The following MUC17 variants were observed in gnomAD, a reference collection of about 807,000 sequenced individuals.
The protein encoded by MUC17 is mucin-17.
In MUC17, 190 loss-of-function variants were observed where a neutral mutation model predicts 170.3. The observed-to-expected ratio is 1.12, with a 90% confidence interval of 0.99 to 1.26. The LOEUF is 1.26. Ranked by LOEUF, MUC17 falls within the 50% of genes most tolerant of loss-of-function variation. MUC17 has a pLI of 0.00. For synonymous variants in MUC17, 2,325 were observed against 2,002.5 expected (o/e 1.16, Z -4.30); for missense variants, 6,415 against 5,530.0 (o/e 1.16, Z -5.08).
Position 101,032,015 on chromosome 7 carries a change from C to T in MUC17, c.599C>T (p.Thr200Ile), listed in dbSNP as rs746923995. The T allele has an allele frequency of 1.3e-5, 21 of 1,614,132 alleles. No homozygotes were observed. The highest frequency in any genetic ancestry group is 1.8e-5 in the Non-Finnish European group (21 of 1,180,058). The part of the protein sequence containing the change: ...TSTQASSSPT[T>I]PESTTIPKST... ...ACTCAGGCAAGTTCATCTCCTACTA[C>T]TCCTGAAAGCACCACCATACCCAAA... Residue 200 changes from threonine (T) to isoleucine (I), a missense_variant, in exon 3 of 13, where the codon ACT becomes ATT. Physicochemically the swap from Thr to Ile is moderately conservative, Grantham distance 89. Transcript: ENST00000306151.
rs1293903388 is a variant in MUC17, at chr7:101,058,089, C to T, written c.*45C>T. On this transcript the variant is annotated 3_prime_UTR_variant, in exon 13 of 13. Transcript: ENST00000306151. ...TGGGAGTGAGGAGATCCCAGTCCGG[C>T]TAAGCTTGGTGGAGCATTTTCCCAT... is the stretch of plus-strand genomic sequence containing the variant. The T allele has an allele frequency of 1.3e-6, 2 of 1,585,834 alleles. No individual in the cohort carries two copies. The highest frequency in any genetic ancestry group is 1.7e-4 in the Middle Eastern group (1 of 6,000).
intron 1 of MUC17, among the ~76,000 whole-genome samples, chr7:101,025,089 C>A (rs577992745): frequency 2.6e-5 from 4 of 152,096 alleles, no homozygotes; most frequent in African/African-American, 9.6e-5. Flanking sequence ...GAGGACCAGG[C>A]ATGGGTGGTT....
intron 1 of MUC17, among the ~76,000 whole-genome samples, chr7:101,021,594 C>A (rs62483734): frequency 1.3e-5 from 2 of 152,062 alleles, no homozygotes; most frequent in Non-Finnish European, 2.9e-5. Context: ...TCCTTGGCCC[C>A]TTCCTGGCCT....
rs769064023 is a variant in MUC17 at position 101,035,021 on chromosome 7, C to T, written c.3605C>T (p.Pro1202Leu). 17 of 1,614,044 alleles carry T rather than the reference C, an allele frequency of 1.1e-5. No homozygotes were observed. The East Asian group carries it at 1.6e-4, about 15-fold the overall frequency. The change falls in exon 3 of 13, where the codon CCA (proline) becomes CTA (leucine). Residue 1202 changes from proline to leucine, a missense_variant. Physicochemically the swap from Pro to Leu is moderately conservative, Grantham distance 98 (BLOSUM62 -3). Transcript: ENST00000306151. ...TCTACTGAAGCCAGTTCACCTCCTC[C>T]AACTGCTGAAGTTACCAGCATGCCA... ...ATSTEASSPP[P>L]TAEVTSMPTS...
rs116960680 is a variant in MUC17, at chr7:101,035,654, C to A, written c.4238C>A (p.Ala1413Asp). Reference sequence around the variant, plus strand: ...ACCACGCCGGTAGTCAGTTCTGAGGCTAGCACCCTTTCAGCAACTCCTGTT... The same window carrying A: ...ACCACGCCGGTAGTCAGTTCTGAGGATAGCACCCTTTCAGCAACTCCTGTT... The part of the protein sequence containing the change: ...VSTTPVVSSE[A>D]STLSATPVDT... The change falls in exon 3 of 13, where the codon GCT (alanine) becomes GAT (aspartate). Residue 1413 changes from alanine (A) to aspartate (D), a missense_variant. Physicochemically the swap from Ala to Asp is moderately radical, Grantham distance 126 (BLOSUM62 -2). Transcript: ENST00000306151. The A allele has an allele frequency of 2.5e-6, 4 of 1,609,786 alleles. No individual in the cohort carries two copies. The South Asian group carries it at 3.3e-5, about 13-fold the overall frequency.
Position 101,035,280 on chromosome 7 carries a change from G to A in MUC17, c.3864G>A (p.Thr1288=), listed in dbSNP as rs766413428. The part of the protein sequence containing the change: ...TLLTSIPVST[T]LVTSPEASTL... ...TAACAAGTATACCTGTCAGCACCACGCTGGTGACCAGTCCTGAGGCTAGCA... is the reference window on the plus strand; with the variant it reads ...TAACAAGTATACCTGTCAGCACCACACTGGTGACCAGTCCTGAGGCTAGCA... The change falls in exon 3 of 13, where the codon ACG becomes ACA. Residue 1288 remains threonine, a synonymous_variant. Coordinates refer to ENST00000306151, the MANE Select transcript of MUC17 (RefSeq NM_001040105.2). 37 of 1,609,024 alleles carry A rather than the reference G, an allele frequency of 2.3e-5. No individual in the cohort carries two copies. Among genetic ancestry groups the A allele is most frequent in the Admixed American group, 3.3e-5 (2 of 59,794 alleles).
intron 1 of MUC17, among the ~76,000 whole-genome samples, chr7:101,030,166 T>C (rs781689157): frequency 1.3e-5 from 2 of 152,082 alleles, no homozygotes; most frequent in Non-Finnish European, 2.9e-5. Flanking sequence ...AATGTTCTAA[T>C]GGAAAATCAC....
chr7:101,044,794 C>CT (rs1317655926), intron 3 of MUC17, among the ~76,000 whole-genome samples: 2 of 151,550 alleles, frequency 1.3e-5, no homozygotes, highest in Admixed American at 6.6e-5. Flanking sequence ...AAAGTACGAA[C>CT]TTTTTTTTTG....
intron 1 of MUC17, among the ~76,000 whole-genome samples, chr7:101,025,759 G>A (rs1042444167): frequency 2.1e-5 from 3 of 146,228 alleles, no homozygotes; most frequent in African/African-American, 2.5e-5. Flanking sequence ...ATGCCACTGC[G>A]CTCCAGCCTG....
At chr7:101,030,695 G>A (rs373879115) in intron 1 of MUC17, among the ~76,000 whole-genome samples, 1 of 151,012 alleles carries the variant, frequency 6.6e-6, no homozygotes, top group East Asian at 2.0e-4. Context: ...CAGCCTCCTG[G>A]GTAGCTGGGA....
intron 4 of MUC17, chr7:101,048,331 C>T (rs879470134): frequency 2.0e-5 from 7 of 354,752 alleles, no homozygotes; most frequent in African/African-American, 4.2e-5. Flanking sequence ...CGGTGGCTCT[C>T]GCCTGTAATT....
chr7:101,039,895 G>C lies in MUC17; in HGVS notation c.8479G>C (p.Ala2827Pro). 4 of 1,612,886 alleles carry C rather than the reference G, an allele frequency of 2.5e-6. No homozygotes were observed. Among genetic ancestry groups the C allele is most frequent in the Non-Finnish European group, 3.4e-6 (4 of 1,179,688 alleles). Residue 2827 changes from alanine to proline, a missense_variant, in exon 3 of 13, where the codon GCT becomes CCT. By Grantham distance (27) the Ala-to-Pro change is conservative. Transcript: ENST00000306151. ...CCACACGCCAGTGGCCAGTTCTGAG[G>C]CTGGCACCCTTTCAACAACTCCTGT... ...VNHTPVASSE[A>P]GTLSTTPVDT...
At position 101,036,206 on chromosome 7, in the gene MUC17, CTA is replaced by C. The variant is rs747580593; in HGVS notation, c.4792_4793del (p.Ile1598Ter). ...GAGGCTAACACCCTTTCAACAACCC[CTA>C]TTGACTCCAAAACTCAGGTGACCGC... On this transcript the variant is annotated frameshift_variant, in exon 3 of 13. Coordinates refer to ENST00000306151, the MANE Select transcript of MUC17 (RefSeq NM_001040105.2). LOFTEE classifies it high-confidence loss of function. The C allele has an allele frequency of 3.7e-6, 6 of 1,614,086 alleles. No homozygotes were observed. Among genetic ancestry groups the C allele is most frequent in the Non-Finnish European group, 5.1e-6 (6 of 1,180,008 alleles).
At position 101,031,680 on chromosome 7, in the gene MUC17, C is replaced by G. The variant is rs769975461; in HGVS notation, c.264C>G (p.Asn88Lys). 4 of 1,602,272 alleles carry G rather than the reference C, an allele frequency of 2.5e-6. No individual in the cohort carries two copies. Among genetic ancestry groups the G allele is most frequent in the Non-Finnish European group, 3.4e-6 (4 of 1,173,282 alleles). The change falls in exon 3 of 13, where the codon AAC becomes AAG. Residue 88 changes from asparagine (N) to lysine (K), a missense_variant. Coordinates refer to ENST00000306151, the MANE Select transcript of MUC17 (RefSeq NM_001040105.2). ...GAATGTATTTGAGTTGCAGCACCAA[C>G]CCTGAGATGACCTCGATTGAGTCCA... ...EPRMYLSCST[N>K]PEMTSIESSV...
Position 101,056,340 on chromosome 7 carries a change from G to A in MUC17, c.13440+70G>A, listed in dbSNP as rs1308290413. 14 of 1,583,080 alleles carry A rather than the reference G, an allele frequency of 8.8e-6. No individual in the cohort carries two copies. In the East Asian group the frequency reaches 2.9e-4, roughly 33 times the overall value. ...ACTTTCTTCTTCTCCTTTCCTACAT[G>A]GTAGGACCTTCAGAAAAACAGAACC... is the stretch of plus-strand genomic sequence containing the variant. On this transcript the variant is annotated intron_variant, in intron 12 of 12. Coordinates refer to ENST00000306151, the MANE Select transcript of MUC17 (RefSeq NM_001040105.2).
Position 101,041,316 on chromosome 7 carries a change from C to A in MUC17, c.9900C>A (p.Thr3300=), listed in dbSNP as rs200814723. 98 of 1,596,284 alleles carry A rather than the reference C, an allele frequency of 6.1e-5. No homozygotes were observed. The highest frequency in any genetic ancestry group is 6.7e-5 in the Non-Finnish European group (79 of 1,170,540). The change falls in exon 3 of 13, where the codon ACC becomes ACA. Residue 3300 remains threonine, a synonymous_variant. Coordinates refer to ENST00000306151, the MANE Select transcript of MUC17 (RefSeq NM_001040105.2). ...CGGTGGCCAGTTCTGAAACGAGCAC[C>A]CTTTCAACAACTCCTGCTGACACCA... The part of the protein sequence containing the change: ...TTTVASSETS[T]LSTTPADTST...
intron 1 of MUC17, among the ~76,000 whole-genome samples, chr7:101,026,500 G>T (rs1794181084): frequency 6.6e-6 from 1 of 152,222 alleles, no homozygotes; most frequent in South Asian, 2.1e-4. Flanking sequence ...ATGGGGCTGA[G>T]ACCTCTCATC....
rs991736442 is a variant in MUC17, at chr7:101,035,546, C to T, written c.4130C>T (p.Ser1377Phe). 6 of 1,596,668 alleles carry T rather than the reference C, an allele frequency of 3.8e-6. No individual in the cohort carries two copies. The African/African-American group carries it at 6.8e-5, about 18-fold the overall frequency. ...PVTTSTEACS[S>F]PTTSEGTSMP... ...ACCACTTCTACTGAAGCCTGTTCAT[C>T]TCCTACAACTTCTGAAGGTACCAGC... Residue 1377 changes from serine to phenylalanine, a missense_variant, in exon 3 of 13, where the codon TCT becomes TTT. Coordinates refer to ENST00000306151, the MANE Select transcript of MUC17 (RefSeq NM_001040105.2).
Position 101,033,616 on chromosome 7 carries a change from G to A in MUC17, c.2200G>A (p.Gly734Ser), listed in dbSNP as rs959740552. Residue 734 changes from glycine to serine, a missense_variant, in exon 3 of 13, where the codon GGT (glycine) becomes AGT (serine). Physicochemically the swap from Gly to Ser is moderately conservative, Grantham distance 56. Transcript: ENST00000306151. ...CAGTTCCTCTCCTACAACTGCTGAT[G>A]GTGCCAGTATGCCAACCTCAACTCC... is the stretch of plus-strand genomic sequence containing the variant. The part of the protein sequence containing the change: ...EASSSPTTAD[G>S]ASMPTSTPSE... 1.2e-6 allele frequency: 2 copies of A among 1,613,438 alleles called. No homozygotes were observed. The highest frequency in any genetic ancestry group is 1.3e-5 in the African/African-American group (1 of 74,788).
Sources: allele counts gnomAD v4.1 joint callset (sites outside exome capture counted in the v4.1 genomes callset), GRCh38; gene constraint gnomAD v4.1.1; transcripts MANE v1.5; gene names NCBI Gene and HGNC (gene_info 2026-07-23, HGNC 2026-07-21).